Variants in ASAP1 observed in about 807,000 individuals in gnomAD.
ASAP1 encodes ArfGAP with SH3 domain, ankyrin repeat and PH domain 1.
In ASAP1, 43 loss-of-function variants were observed where a neutral mutation model predicts 145.2. That is an observed-to-expected ratio of 0.30 (90% CI 0.23 to 0.38). The LOEUF is 0.38. Among genes scored for constraint, ASAP1 ranks in the 10% least tolerant of loss-of-function variants. The pLI is 1.00. For missense variants in ASAP1, 1,018 were observed against 1,355.3 expected, an observed-to-expected ratio of 0.75 and a Z score of 3.91; for synonymous variants, 546 against 515.5, an observed-to-expected ratio of 1.06 and a Z score of -0.80.
Position 130,358,171 on chromosome 8 carries a change from G to T in ASAP1, c.60-28C>A, listed in dbSNP as rs766317772. ...GCCGGGAGGGACGAGACACAAGCGG[G>T]GGCGGGGGGTGAGTCACGGCGCAGG... On this transcript the variant is annotated intron_variant, in intron 2 of 29. Coordinates refer to ENST00000518721, the MANE Select transcript of ASAP1 (RefSeq NM_018482.4). This position sits in a 1 kb window ranked among gnomAD's most constrained non-coding sequence, Gnocchi z 4.1. The T allele has an allele frequency of 1.9e-6, 3 of 1,582,922 alleles. No individual in the cohort carries two copies. Among genetic ancestry groups the T allele is most frequent in the South Asian group, 1.1e-5 (1 of 89,526 alleles).
At chr8:130,400,626 A>C (rs1828747727) in intron 2 of ASAP1, among the ~76,000 whole-genome samples, 1 of 151,956 alleles carries the variant, frequency 6.6e-6, no homozygotes, top group African/African-American at 2.4e-5. Context: ...CTCTACTAAA[A>C]AAAAATACAA....
intron 25 of ASAP1, among the ~76,000 whole-genome samples, chr8:130,080,677 G>C (rs1396465769): frequency 6.6e-6 from 1 of 151,870 alleles, no homozygotes; most frequent in Non-Finnish European, 1.5e-5. Flanking sequence ...CTGTTGCCTA[G>C]ACTGGAGTGT....
intron 3 of ASAP1, among the ~76,000 whole-genome samples, chr8:130,251,436 C>T (rs1462176144): frequency 1.3e-5 from 2 of 151,770 alleles, no homozygotes; most frequent in Admixed American, 1.3e-4. Context: ...TAAATAAATA[C>T]ATAAATAATA....
chr8:130,097,120 A>G (rs1475611570), intron 24 of ASAP1, among the ~76,000 whole-genome samples: 1 of 99,344 alleles, frequency 1.0e-5, no homozygotes, highest in Non-Finnish European at 1.9e-5. Context: ...AGTGACAGTT[A>G]GTCTCCAAAA....
chr8:130,395,536 C>T (rs1389632734), intron 2 of ASAP1, among the ~76,000 whole-genome samples: 1 of 152,192 alleles, frequency 6.6e-6, no homozygotes, highest in Non-Finnish European at 1.5e-5. Flanking sequence ...AGCTGAGGAA[C>T]ATCAACGACT....
At chr8:130,325,239 G>C (rs1299911078) in intron 3 of ASAP1, among the ~76,000 whole-genome samples, 1 of 152,144 alleles carries the variant, frequency 6.6e-6, no homozygotes, top group East Asian at 1.9e-4. Flanking sequence ...ACTAGGAGGA[G>C]AGCTGAACAA....
At chr8:130,226,153 A>C (rs934182433) in intron 4 of ASAP1, among the ~76,000 whole-genome samples, 4 of 151,806 alleles carry the variant, frequency 2.6e-5, no homozygotes, top group African/African-American at 9.7e-5. Flanking sequence ...GCTGTGATTA[A>C]CGTTTTAAAA....
At chr8:130,359,758 G>A (rs895748149) in intron 2 of ASAP1, among the ~76,000 whole-genome samples, 2 of 151,984 alleles carry the variant, frequency 1.3e-5, no homozygotes, top group African/African-American at 2.4e-5. Flanking sequence ...CGAGTAGCTG[G>A]GACTACAGGC....
At chr8:130,266,796 C>T (rs1382265299) in intron 3 of ASAP1, among the ~76,000 whole-genome samples, 3 of 151,634 alleles carry the variant, frequency 2.0e-5, no homozygotes, top group Non-Finnish European at 4.4e-5. Flanking sequence ...ACACTATGAA[C>T]GATAGACAGA....
At chr8:130,386,790 C>A (rs1208292021) in intron 2 of ASAP1, 1 of 152,174 alleles carries the variant, frequency 6.6e-6, no homozygotes, top group Non-Finnish European at 1.5e-5. Flanking sequence ...GACCTGTCTG[C>A]AGTAACTTTG....
At chr8:130,143,996 C>T (rs1341541588) in intron 13 of ASAP1, among the ~76,000 whole-genome samples, 2 of 152,134 alleles carry the variant, frequency 1.3e-5, no homozygotes, top group African/African-American at 2.4e-5. Context: ...GAGGCTGACG[C>T]GTGGAAAGAG....
In ASAP1 at chr8:130,254,138, T is replaced by A. The variant is rs542647714; in HGVS notation, c.187-17144A>T. On this transcript the variant is annotated intron_variant, in intron 3 of 29. Coordinates refer to ENST00000518721, the MANE Select transcript of ASAP1 (RefSeq NM_018482.4). ...ATTACAGGAAAGGTGGAGTAAAATG[T>A]GACAAAAATGCAGCGCAGGAGCTAT... Among the ~76,000 whole-genome samples, 11 of 152,352 alleles carry A rather than the reference T, an allele frequency of 7.2e-5. No individual in the cohort carries two copies. In the South Asian group the frequency reaches 2.3e-3, roughly 32 times the overall value.
At chr8:130,321,846 A>C (rs1824026998) in intron 3 of ASAP1, among the ~76,000 whole-genome samples, 1 of 152,232 alleles carries the variant, frequency 6.6e-6, no homozygotes, top group Admixed American at 6.5e-5. Flanking sequence ...ATGAGATTCA[A>C]GGCTCTTAAT....
At chr8:130,208,733 G>A (rs980342632) in intron 5 of ASAP1, 2 of 152,152 alleles carry the variant, frequency 1.3e-5, no homozygotes, top group Non-Finnish European at 2.9e-5. Context: ...GCTGCAATGA[G>A]GATGAAGGCT....
chr8:130,337,796 T>C (rs1045917145), intron 3 of ASAP1, among the ~76,000 whole-genome samples: 7 of 152,144 alleles, frequency 4.6e-5, no homozygotes. Flanking sequence ...TTCTCTTAAG[T>C]CAGAACAGAG....
chr8:130,217,537 TACAC>T (rs71302402), intron 4 of ASAP1, among the ~76,000 whole-genome samples: 61 of 148,986 alleles, frequency 4.1e-4, no homozygotes, highest in East Asian at 4.0e-4. Context: ...TGTATATATG[TACAC>T]ACACACACAC....
intron 25 of ASAP1, among the ~76,000 whole-genome samples, chr8:130,085,280 A>G (rs2097490130): frequency 1.3e-5 from 2 of 152,204 alleles, no homozygotes; most frequent in South Asian, 4.1e-4. Flanking sequence ...TCCGTGGCCC[A>G]CTTCCAGACA....
chr8:130,255,896 T>C (rs1268893588), intron 3 of ASAP1, among the ~76,000 whole-genome samples: 3 of 152,120 alleles, frequency 2.0e-5, no homozygotes, highest in African/African-American at 2.4e-5. Flanking sequence ...AGTGAAGGTA[T>C]CTTAAAAGGG....
chr8:130,125,044 T>A (rs1299779289), intron 17 of ASAP1, among the ~76,000 whole-genome samples: 1 of 152,214 alleles, frequency 6.6e-6, no homozygotes, highest in Non-Finnish European at 1.5e-5. Context: ...TGACCAGGGC[T>A]GCTGGCTGGG....
Sources: allele counts gnomAD v4.1 joint callset (sites outside exome capture counted in the v4.1 genomes callset), GRCh38; gene constraint gnomAD v4.1.1; non-coding constraint Gnocchi (gnomAD v3.1); transcripts MANE v1.5; gene names NCBI Gene and HGNC (gene_info 2026-07-23, HGNC 2026-07-21).